DNM3: variants seen among roughly 807,000 people sequenced by gnomAD.
The protein encoded by DNM3 is dynamin 3.
In DNM3, 47 loss-of-function variants were observed where a neutral mutation model predicts 101.6. The ratio of observed to expected loss-of-function variants is 0.46; its 90% CI spans 0.37 to 0.59. The LOEUF (loss-of-function observed/expected upper bound fraction) is 0.59, where lower values mean the gene tolerates loss of function less well. DNM3 is among the 20% of genes least tolerant of loss of function. The pLI, the probability that DNM3 is intolerant of heterozygous loss-of-function variation, is 0.00. For synonymous variants in DNM3, 385 were observed against 387.9 expected (o/e 0.99, Z 0.09); for missense variants, 849 against 1,085.7 (o/e 0.78, Z 3.06).
chr1:172,215,167 C>T lies in DNM3; in HGVS notation c.1660-38406C>T, dbSNP rs549330030. Among the ~76,000 whole-genome samples, 5 of 151,790 alleles carry T rather than the reference C, an allele frequency of 3.3e-5. No homozygotes were observed. The East Asian group carries it at 9.7e-4, about 29-fold the overall frequency. On this transcript the variant is annotated intron_variant, in intron 14 of 20. Transcript: ENST00000627582. ...AATAATCCTGGCCAATATGTGTAGA[C>T]TCTTTTAGTAGTCATTGTTTCCAAG...
chr1:172,337,150 T>G (rs74832215), intron 17 of DNM3, among the ~76,000 whole-genome samples: 4,846 of 152,286 alleles, frequency 0.032, 103 homozygotes, highest in Middle Eastern at 0.095. Context: ...AAGCTTACCA[T>G]TTACCAAGGA....
intron 11 of DNM3, among the ~76,000 whole-genome samples, chr1:172,080,488 G>A (rs2053051366): frequency 6.6e-6 from 1 of 152,164 alleles, no homozygotes; most frequent in Non-Finnish European, 1.5e-5. Flanking sequence ...CCAAGCTAGA[G>A]CATCCTAGGC....
At chr1:172,314,670 G>A (rs1252260294) in intron 16 of DNM3, among the ~76,000 whole-genome samples, 2 of 152,200 alleles carry the variant, frequency 1.3e-5, no homozygotes, top group East Asian at 3.9e-4. Context: ...CTGCAAGGTG[G>A]CAGCGAGGCT....
At chr1:172,069,374 T>G (rs1489616087) in intron 11 of DNM3, among the ~76,000 whole-genome samples, 1 of 152,182 alleles carries the variant, frequency 6.6e-6, no homozygotes. Context: ...GGACCTAGAT[T>G]TTCATCAGCT....
At chr1:172,324,118 G>A (rs1340248132) in intron 17 of DNM3, among the ~76,000 whole-genome samples, 2 of 152,202 alleles carry the variant, frequency 1.3e-5, no homozygotes, top group Non-Finnish European at 2.9e-5. Context: ...TATTAGAAAT[G>A]TAATAGTAAT....
intron 15 of DNM3, among the ~76,000 whole-genome samples, chr1:172,280,033 A>T (rs2063429943): frequency 6.6e-6 from 1 of 151,992 alleles, no homozygotes; most frequent in South Asian, 2.1e-4. Context: ...CTCTGAACTC[A>T]TTTCTGAGTC....
intron 17 of DNM3, among the ~76,000 whole-genome samples, chr1:172,329,459 G>C (rs929757149): frequency 4.6e-5 from 7 of 151,922 alleles, no homozygotes; most frequent in African/African-American, 1.7e-4. Flanking sequence ...ACTATACAAA[G>C]AGAAAAATTA....
intron 15 of DNM3, among the ~76,000 whole-genome samples, chr1:172,275,593 A>G (rs1415130292): frequency 6.6e-6 from 1 of 151,862 alleles, no homozygotes; most frequent in Admixed American, 6.6e-5. Context: ...ATGATTATTA[A>G]TTTTTTCTTT....
chr1:171,876,949 T>A (rs948777844), intron 1 of DNM3, among the ~76,000 whole-genome samples: 1 of 152,250 alleles, frequency 6.6e-6, no homozygotes, highest in Non-Finnish European at 1.5e-5. Context: ...AATTCTGGCA[T>A]GTTGAGAATC....
At chr1:171,988,665 C>A (rs2045436839) in intron 3 of DNM3, among the ~76,000 whole-genome samples, 1 of 152,104 alleles carries the variant, frequency 6.6e-6, no homozygotes, top group South Asian at 2.1e-4. Flanking sequence ...ATTATAACCC[C>A]CTAGTTACAG....
chr1:172,097,810 A>G (rs1369500833), intron 13 of DNM3, among the ~76,000 whole-genome samples: 2 of 152,196 alleles, frequency 1.3e-5, no homozygotes, highest in Admixed American at 1.3e-4. Flanking sequence ...ATAAAGGGAC[A>G]GAGTACAAAA....
At chr1:172,195,033 A>G (rs1016735115) in intron 14 of DNM3, among the ~76,000 whole-genome samples, 2 of 151,982 alleles carry the variant, frequency 1.3e-5, no homozygotes, top group African/African-American at 4.8e-5. Flanking sequence ...TGCTTCCTTC[A>G]GGAGGTCTGG....
intron 14 of DNM3, among the ~76,000 whole-genome samples, chr1:172,232,745 C>T (rs189271639): frequency 0.028 from 4,246 of 152,230 alleles, 75 homozygotes; most frequent in Middle Eastern, 0.078. Flanking sequence ...CACTCAAAAC[C>T]GCTCAACTAC....
intron 2 of DNM3, among the ~76,000 whole-genome samples, chr1:171,972,543 G>A (rs567814268): frequency 4.7e-4 from 71 of 152,214 alleles, no homozygotes; most frequent in Non-Finnish European, 7.1e-4. Flanking sequence ...GGCAGTATGC[G>A]AGGCACTTTA....
intron 14 of DNM3, among the ~76,000 whole-genome samples, chr1:172,225,026 G>A (rs2061051549): frequency 6.6e-6 from 1 of 151,896 alleles, no homozygotes; most frequent in East Asian, 1.9e-4. Context: ...GTGCCCAGTG[G>A]TAGAGTCAGG....
At chr1:172,024,515 C>T (rs1241739352) in intron 4 of DNM3, among the ~76,000 whole-genome samples, 2 of 152,196 alleles carry the variant, frequency 1.3e-5, no homozygotes, top group African/African-American at 4.8e-5. Flanking sequence ...CTCAGGCTGG[C>T]AAGCTGAATA....
rs565331702 is a variant in DNM3 at position 172,026,659 on chromosome 1, C to CTT, written c.590-5731_590-5730dup. On this transcript the variant is annotated intron_variant, in intron 4 of 20. Transcript: ENST00000627582. ...AGAGTGGGGGCCAATATTCAACATG[C>CTT]TTTTTTTTTTTTTGAGACAGAATCT... 9.3e-3 allele frequency among the ~76,000 whole-genome samples: 1,330 copies of CTT among 143,470 alleles called. 16 individuals are homozygous for CTT. Among genetic ancestry groups the CTT allele is most frequent in the African/African-American group, 0.031 (1,234 of 39,340 alleles). The allele number at this position is 143,470 out of a possible 152,430, so 94.1% of individuals were successfully genotyped here. A position where few individuals can be genotyped will look rare whatever the true frequency, so the allele number is the denominator to read the frequency against.
At chr1:172,407,679 C>T in intron 20 of DNM3, 93 bp from the exon 21 acceptor site, 1 of 1,268,872 alleles carries the variant, frequency 7.9e-7, no homozygotes, top group Non-Finnish European at 1.1e-6. Flanking sequence ...TGTGCATGAG[C>T]ATGTGTGTAA....
At chr1:172,093,831 T>C in intron 13 of DNM3, 2 of 1,134,992 alleles carry the variant, frequency 1.8e-6, no homozygotes, top group South Asian at 3.1e-5. Flanking sequence ...CTACTAATTT[T>C]TTTTAAACTT....
Sources: gnomAD v4.1 joint callset for allele counts (sites outside exome capture counted in the v4.1 genomes callset) on GRCh38, gnomAD v4.1.1 for gene constraint, MANE v1.5 for transcripts, NCBI Gene and HGNC (gene_info 2026-07-23, HGNC 2026-07-21) for gene names.